GADL1: variants seen among roughly 807,000 people sequenced by gnomAD.
The protein encoded by GADL1 is acidic amino acid decarboxylase GADL1.
In GADL1, 71 loss-of-function variants were observed where a neutral mutation model predicts 69.5. The ratio of observed to expected loss-of-function variants is 1.02; its 90% CI spans 0.84 to 1.25. GADL1 has a LOEUF of 1.25. Among genes scored for constraint, GADL1 ranks in the 50% most tolerant of loss-of-function variants. The pLI is 0.00. For missense variants in GADL1, 737 were observed against 631.8 expected, an observed-to-expected ratio of 1.17 and a Z score of -1.79; for synonymous variants, 254 against 214.4, an observed-to-expected ratio of 1.18 and a Z score of -1.62.
intron 12 of GADL1, among the ~76,000 whole-genome samples, chr3:30,786,931 C>T (rs2125500150): frequency 6.6e-6 from 1 of 152,206 alleles, no homozygotes; most frequent in South Asian, 2.1e-4. Context: ...TTATCCTCAG[C>T]AAACTAACAC....
At chr3:30,851,113 C>T (rs1195746943) in intron 4 of GADL1, among the ~76,000 whole-genome samples, 172 bp from the exon 5 acceptor site, 1 of 152,170 alleles carries the variant, frequency 6.6e-6, no homozygotes, top group African/African-American at 2.4e-5. Flanking sequence ...CAGCACTAGT[C>T]ATGGTTAGAT....
At chr3:30,793,885 T>C (rs1696973593) in intron 12 of GADL1, among the ~76,000 whole-genome samples, 1 of 152,198 alleles carries the variant, frequency 6.6e-6, no homozygotes, top group African/African-American at 2.4e-5. Context: ...TTCTGATGCA[T>C]TGAGCCTCCC....
chr3:30,836,995 C>T (rs1439108903), intron 9 of GADL1, among the ~76,000 whole-genome samples: 1 of 151,970 alleles, frequency 6.6e-6, no homozygotes, highest in African/African-American at 2.4e-5. Context: ...TTTTTGTGTA[C>T]TACTAATAAA....
intron 11 of GADL1, among the ~76,000 whole-genome samples, chr3:30,802,461 AACT>A (rs5847661): frequency 0.2 from 29,661 of 152,040 alleles, 3,286 homozygotes; most frequent in African/African-American, 0.29. Flanking sequence ...AACAATGCAA[AACT>A]ACTAGTGCTG....
rs553829008 is a variant in GADL1 at position 30,834,735 on chromosome 3, G to A, written c.904-454C>T. The stretch of plus-strand genomic sequence containing the variant: ...GAAGGCCAACTAGGATGAGCTAGGC[G>A]GAAATATCTGTTAATGAAAAATTAG... On this transcript the variant is annotated intron_variant, in intron 9 of 14. Coordinates refer to ENST00000282538, the MANE Select transcript of GADL1 (RefSeq NM_207359.3). 8.5e-5 allele frequency among the ~76,000 whole-genome samples: 13 copies of A among 152,118 alleles called. No individual in the cohort carries two copies. In the South Asian group the frequency reaches 2.3e-3, roughly 27 times the overall value.
chr3:30,894,434 T>A, intron 1 of GADL1, 144 bp downstream of exon 1: 3 of 565,534 alleles, frequency 5.3e-6, no homozygotes, highest in South Asian at 3.1e-5. Context: ...GGAGAAAAAA[T>A]CCATGAAGAT....
intron 11 of GADL1, 38 bp downstream of exon 11, chr3:30,833,815 C>G: frequency 6.9e-7 from 1 of 1,454,552 alleles, no homozygotes; most frequent in East Asian, 2.3e-5. Flanking sequence ...GTGGCTTAAC[C>G]CCCTTGAAGC....
intron 8 of GADL1, among the ~76,000 whole-genome samples, chr3:30,842,821 TTAAAAAAAA>T (rs1490125107): frequency 3.0e-5 from 2 of 66,464 alleles, no homozygotes; most frequent in Non-Finnish European, 5.3e-5. Context: ...ATTGGAATGT[TTAAAAAAAA>T]AAAAAAAAAA....
chr3:30,748,998 C>G (rs896026807), intron 14 of GADL1, among the ~76,000 whole-genome samples: 3 of 152,170 alleles, frequency 2.0e-5, no homozygotes, highest in Non-Finnish European at 4.4e-5. Context: ...CAACACAATC[C>G]CTCACATTCA....
intron 14 of GADL1, among the ~76,000 whole-genome samples, chr3:30,764,780 C>T (rs1256380154): frequency 6.6e-6 from 1 of 152,216 alleles, no homozygotes; most frequent in Non-Finnish European, 1.5e-5. Flanking sequence ...AGTGTCGGCT[C>T]ACCCCAGGTT....
intron 14 of GADL1, among the ~76,000 whole-genome samples, chr3:30,744,423 G>A (rs974422692): frequency 6.6e-6 from 1 of 152,108 alleles, no homozygotes; most frequent in Non-Finnish European, 1.5e-5. Flanking sequence ...TTTTTGTGAA[G>A]AGCCAGATAG....
Position 30,779,770 on chromosome 3 carries a change from C to A in GADL1, c.1303-1502G>T, listed in dbSNP as rs137978278. Among the ~76,000 whole-genome samples the A allele has an allele frequency of 1.9e-3, 286 of 152,276 alleles. No individual in the cohort carries two copies. In the South Asian group the frequency reaches 0.02, roughly 11 times the overall value. On this transcript the variant is annotated intron_variant, in intron 13 of 14. Coordinates refer to ENST00000282538, the MANE Select transcript of GADL1 (RefSeq NM_207359.3). ...TGTTATGTCAGTTATCAATTTATTG[C>A]CTCTCAGCCAGAAATCTACCCTTTT...
intron 1 of GADL1, among the ~76,000 whole-genome samples, chr3:30,862,350 T>C (rs1157950285): frequency 6.6e-6 from 1 of 151,994 alleles, no homozygotes; most frequent in Non-Finnish European, 1.5e-5. Flanking sequence ...TCAGATTTTA[T>C]CTAGAATTAA....
At chr3:30,794,897 C>T (rs1170961661) in intron 12 of GADL1, among the ~76,000 whole-genome samples, 1 of 152,126 alleles carries the variant, frequency 6.6e-6, no homozygotes, top group Non-Finnish European at 1.5e-5. Flanking sequence ...GATTCAGGAA[C>T]ATGGAAACAT....
chr3:30,758,932 C>T (rs1048953347), intron 14 of GADL1, among the ~76,000 whole-genome samples: 26 of 152,158 alleles, frequency 1.7e-4, no homozygotes, highest in African/African-American at 6.3e-4. Context: ...AAAGTCCCTT[C>T]CTATATTGCA....
intron 11 of GADL1, among the ~76,000 whole-genome samples, chr3:30,818,796 T>C (rs1394444619): frequency 6.6e-6 from 1 of 152,190 alleles, no homozygotes; most frequent in Non-Finnish European, 1.5e-5. Context: ...ATTTGGTCAC[T>C]GCAGTTGTGT....
chr3:30,876,604 GTC>G (rs1246477282), intron 1 of GADL1, among the ~76,000 whole-genome samples: 1 of 151,886 alleles, frequency 6.6e-6, no homozygotes, highest in Non-Finnish European at 1.5e-5. Context: ...TTCTTCAGGT[GTC>G]TCTTCCATGC....
At chr3:30,786,471 T>G in intron 12 of GADL1, 65 bp from the exon 13 acceptor site, 1 of 855,014 alleles carries the variant, frequency 1.2e-6, no homozygotes, top group Non-Finnish European at 2.0e-6. Context: ...ACATGACTGA[T>G]ATGACAAAAC....
intron 14 of GADL1, among the ~76,000 whole-genome samples, chr3:30,746,389 A>G (rs1695703556): frequency 6.6e-6 from 1 of 152,228 alleles, no homozygotes; most frequent in African/African-American, 2.4e-5. Context: ...TTCTAGAAAT[A>G]CAATTTTTAC....
Sources: gnomAD v4.1 joint callset for allele counts (sites outside exome capture counted in the v4.1 genomes callset) on GRCh38, gnomAD v4.1.1 for gene constraint, MANE v1.5 for transcripts, NCBI Gene and HGNC (gene_info 2026-07-23, HGNC 2026-07-21) for gene names.